Variants in WDR33 observed in about 807,000 individuals in gnomAD.
WDR33 encodes the protein WD repeat domain 33, also known as pre-mRNA 3' end processing protein WDR33.
WDR33 carries 47 observed loss-of-function variants against 164.9 expected under a neutral mutation model. The observed-to-expected ratio is 0.29, with a 90% confidence interval of 0.23 to 0.36. The LOEUF is 0.36. Among genes scored for constraint, WDR33 ranks in the 10% least tolerant of loss-of-function variants. The pLI is 1.00. For synonymous variants in WDR33, 505 were observed against 589.0 expected (o/e 0.86, Z 2.06); for missense variants, 1,137 against 1,754.1 (o/e 0.65, Z 6.28).
chr2:127,764,464 G>C lies in WDR33; in HGVS notation c.626+364C>G, dbSNP rs1479495951. ...TTCTGTAGGCTTTAGATTTTATTCA[G>C]TTGCATAATTAAAGACTGAATTCTT... On this transcript the variant is annotated intron_variant, in intron 6 of 21. Coordinates refer to ENST00000322313, the MANE Select transcript of WDR33 (RefSeq NM_018383.5). The surrounding 1 kb of genome is among the most constrained non-coding windows in gnomAD (Gnocchi z 6.2). The C allele has an allele frequency of 4.1e-6, 6 of 1,462,794 alleles. No homozygotes were observed. The East Asian group carries it at 1.5e-4, about 36-fold the overall frequency. 90.6% of individuals were successfully genotyped at this position (1,462,794 alleles called of 1,614,324 possible).
chr2:127,745,460 C>T (rs1257743881), intron 7 of WDR33, among the ~76,000 whole-genome samples: 2 of 152,146 alleles, frequency 1.3e-5, no homozygotes, highest in East Asian at 3.9e-4. Context: ...GGTTTCTCAC[C>T]CTTAACTGTA....
rs575287288 is a variant in WDR33 at position 127,715,963 on chromosome 2, G to A, written c.2869+1192C>T. Among the ~76,000 whole-genome samples the A allele has an allele frequency of 5.9e-5, 9 of 152,302 alleles. No homozygotes were observed. The South Asian group carries it at 1.9e-3, about 32-fold the overall frequency. ...GGGGGCGGGGGATAAAGAGAAAAGG[G>A]AAAGAGCAAGGATGAGAGGGAAGGA... On this transcript the variant is annotated intron_variant, in intron 17 of 21. Coordinates refer to ENST00000322313, the MANE Select transcript of WDR33 (RefSeq NM_018383.5).
At chr2:127,733,705 CAAAACAA>C (rs934369814) in intron 7 of WDR33, among the ~76,000 whole-genome samples, 9 of 151,198 alleles carry the variant, frequency 6.0e-5, no homozygotes, top group Admixed American at 1.3e-4. Context: ...TCCGTCGTCA[CAAAACAA>C]AAAACAAAAA....
intron 1 of WDR33, among the ~76,000 whole-genome samples, chr2:127,807,371 G>A (rs1027696210): frequency 6.6e-6 from 1 of 152,160 alleles, no homozygotes; most frequent in Non-Finnish European, 1.5e-5. Flanking sequence ...GAAAATTGCT[G>A]CTCCACCTAC....
At chr2:127,745,380 T>G (rs1365641358) in intron 7 of WDR33, among the ~76,000 whole-genome samples, 2 of 152,210 alleles carry the variant, frequency 1.3e-5, no homozygotes, top group Non-Finnish European at 2.9e-5. Context: ...AAGTTCCCAG[T>G]GTCTGGTCTG....
At chr2:127,805,479 C>A (rs1391367986) in intron 1 of WDR33, among the ~76,000 whole-genome samples, 1 of 151,956 alleles carries the variant, frequency 6.6e-6, no homozygotes. Context: ...AATAGAGAAA[C>A]AACAGGAATT....
chr2:127,788,273 A>G (rs1391212587), intron 1 of WDR33, among the ~76,000 whole-genome samples: 470 of 74,022 alleles, frequency 6.3e-3, no homozygotes, highest in Non-Finnish European at 6.8e-3. Context: ...CCTCCCGGAC[A>G]GGGCGGCCGG....
At chr2:127,782,045 G>A (rs991816489) in intron 1 of WDR33, among the ~76,000 whole-genome samples, 2 of 149,276 alleles carry the variant, frequency 1.3e-5, no homozygotes, top group African/African-American at 2.5e-5. Flanking sequence ...ACACACATAT[G>A]GAATATTCAA....
rs938573181 is a variant in WDR33 at position 127,704,749 on chromosome 2, T to C, written c.*1574A>G. 1 of 167,110 alleles carries C rather than the reference T, an allele frequency of 6.0e-6. No individual in the cohort carries two copies. The highest frequency in any genetic ancestry group is 2.4e-5 in the African/African-American group (1 of 41,460). The allele number at this position is 167,110 out of a possible 1,614,324, so 10.4% of individuals were successfully genotyped here. Reference sequence around the variant, plus strand: ...GAGAACCAGTTAAATTTTCATATCCTGTTAAACTATATCAGTATGCCTTTT... The same window carrying C: ...GAGAACCAGTTAAATTTTCATATCCCGTTAAACTATATCAGTATGCCTTTT... On this transcript the variant is annotated 3_prime_UTR_variant, in exon 22 of 22. Coordinates refer to ENST00000322313, the MANE Select transcript of WDR33 (RefSeq NM_018383.5).
At chr2:127,796,256 T>A (rs967877764) in intron 1 of WDR33, among the ~76,000 whole-genome samples, 4 of 151,802 alleles carry the variant, frequency 2.6e-5, no homozygotes, top group Non-Finnish European at 5.9e-5. Flanking sequence ...TATATTTTTT[T>A]AGAGACAGGG....
At chr2:127,751,428 AT>A (rs1208538546) in intron 7 of WDR33, among the ~76,000 whole-genome samples, 4 of 146,748 alleles carry the variant, frequency 2.7e-5, no homozygotes, top group Middle Eastern at 3.5e-3. Flanking sequence ...AAGATGCTCT[AT>A]TTAAAAAAAA....
rs1687955306 is a variant in WDR33, at chr2:127,770,170, TA to T, written c.204+607del. 6.6e-6 allele frequency among the ~76,000 whole-genome samples: 1 copy of T among 152,352 alleles called. No homozygotes were observed. The highest frequency in any genetic ancestry group is 2.1e-4 in the South Asian group (1 of 4,832). ...AGTGTTTTAAGACTGGCCTAGCGAT[TA>T]AAGTACTCCCTTCTAATTTGTGAAC... On this transcript the variant is annotated intron_variant, in intron 2 of 21. Coordinates refer to ENST00000322313, the MANE Select transcript of WDR33 (RefSeq NM_018383.5). The surrounding 1 kb of genome is among the most constrained non-coding windows in gnomAD (Gnocchi z 4.9).
At chr2:127,781,871 G>A (rs967737253) in intron 1 of WDR33, among the ~76,000 whole-genome samples, 25 of 152,054 alleles carry the variant, frequency 1.6e-4, no homozygotes, top group African/African-American at 5.8e-4. Context: ...GGTGGCACAC[G>A]CCTGTAATCT....
In WDR33 at chr2:127,713,917, C is replaced by A. The variant is rs1214737149; in HGVS notation, c.2974G>T (p.Gly992Cys). The change falls in exon 18 of 22, where the codon GGT (glycine) becomes TGT (cysteine). Residue 992 changes from glycine (G) to cysteine (C), a missense_variant. Gly to Cys is a radical substitution (Grantham distance 159, BLOSUM62 -3). Transcript: ENST00000322313. This position sits in a 1 kb window ranked among gnomAD's most constrained non-coding sequence, Gnocchi z 6.2. ...EHGPERGPFRGGQDCRGPPDR... is the reference protein window; with the variant it reads ...EHGPERGPFRCGQDCRGPPDR... ...GGGGGACCCCTGCAGTCCTGGCCACCCCGGAAAGGCCCCCTCTCGGGCCCA... is the reference window on the plus strand; with the variant it reads ...GGGGGACCCCTGCAGTCCTGGCCACACCGGAAAGGCCCCCTCTCGGGCCCA... The A allele has an allele frequency of 2.5e-6, 4 of 1,610,474 alleles. No individual in the cohort carries two copies. Among genetic ancestry groups the A allele is most frequent in the Non-Finnish European group, 3.4e-6 (4 of 1,178,090 alleles).
intron 7 of WDR33, among the ~76,000 whole-genome samples, chr2:127,754,349 G>A (rs1336311371): frequency 6.6e-6 from 1 of 152,136 alleles, no homozygotes; most frequent in African/African-American, 2.4e-5. Flanking sequence ...CTGACAGGTA[G>A]GTGGCAAGCT....
At position 127,725,054 on chromosome 2, in the gene WDR33, C is replaced by T. The variant is rs757665387; in HGVS notation, c.1006+7G>A. On this transcript the variant is annotated splice_region_variant and intron_variant, in intron 9 of 21. Coordinates refer to ENST00000322313, the MANE Select transcript of WDR33 (RefSeq NM_018383.5). Reference sequence around the variant, plus strand: ...TGGTCAATGAGAAGCATATCACAGCCACTGACCTGTGGCTTCTTTCTTATG... The same window carrying T: ...TGGTCAATGAGAAGCATATCACAGCTACTGACCTGTGGCTTCTTTCTTATG... 2 of 1,613,876 alleles carry T rather than the reference C, an allele frequency of 1.2e-6. No homozygotes were observed. Among genetic ancestry groups the T allele is most frequent in the Non-Finnish European group, 1.7e-6 (2 of 1,179,912 alleles).
At chr2:127,773,415 A>ACAG (rs1325896622) in intron 1 of WDR33, among the ~76,000 whole-genome samples, 1 of 151,890 alleles carries the variant, frequency 6.6e-6, no homozygotes, top group Non-Finnish European at 1.5e-5. Context: ...AATAATAATA[A>ACAG]CAACAAGGAG....
intron 2 of WDR33, among the ~76,000 whole-genome samples, chr2:127,769,269 C>T (rs1190962768): frequency 2.0e-5 from 3 of 152,072 alleles, no homozygotes; most frequent in Non-Finnish European, 4.4e-5. Flanking sequence ...AGGCAGATCA[C>T]CTGAGGTCAG....
At chr2:127,744,271 G>A (rs10207864) in intron 7 of WDR33, among the ~76,000 whole-genome samples, 66,829 of 151,900 alleles carry the variant, frequency 0.44, 15,843 homozygotes, top group African/African-American at 0.62. Flanking sequence ...GAAAATTTAC[G>A]TAAGTAACAC....
Sources: allele counts gnomAD v4.1 joint callset (sites outside exome capture counted in the v4.1 genomes callset), GRCh38; gene constraint gnomAD v4.1.1; non-coding constraint Gnocchi (gnomAD v3.1); transcripts MANE v1.5; gene names NCBI Gene and HGNC (gene_info 2026-07-23, HGNC 2026-07-21).